The following SMARCC1 variants were observed in gnomAD, a reference collection of about 807,000 sequenced individuals.
The protein encoded by SMARCC1 is SWI/SNF complex subunit SMARCC1.
SMARCC1 carries 43 observed loss-of-function variants against 147.4 expected under a neutral mutation model. The observed-to-expected ratio is 0.29, with a 90% CI of 0.23 to 0.38. The LOEUF is 0.38. Among genes scored for constraint, SMARCC1 ranks in the 10% least tolerant of loss-of-function variants. The probability of loss-of-function intolerance (pLI) is 1.00; values close to 1 mark genes in which losing one functional copy is unlikely to be tolerated. For missense variants in SMARCC1, 1,119 were observed against 1,381.1 expected, an observed-to-expected ratio of 0.81 and a Z score of 3.01; for synonymous variants, 495 against 484.4, an observed-to-expected ratio of 1.02 and a Z score of -0.29.
At chr3:47,720,181 C>T (rs542669894) in intron 7 of SMARCC1, among the ~76,000 whole-genome samples, 8 of 151,678 alleles carry the variant, frequency 5.3e-5, no homozygotes, top group Non-Finnish European at 1.0e-4. Flanking sequence ...TGGAGGGAAA[C>T]GGCGCAATCT....
intron 5 of SMARCC1, among the ~76,000 whole-genome samples, chr3:47,735,541 G>GGGGAGATCACTCGAGGTC (rs2034431364): frequency 6.6e-6 from 1 of 152,038 alleles, no homozygotes; most frequent in Non-Finnish European, 1.5e-5. Flanking sequence ...AGGCTGAGGT[G>GGGGAGATCACTCGAGGTC]GGGAGATCAC....
At chr3:47,686,878 T>G (rs2033730641) in intron 13 of SMARCC1, among the ~76,000 whole-genome samples, 1 of 152,098 alleles carries the variant, frequency 6.6e-6, no homozygotes, top group Non-Finnish European at 1.5e-5. Context: ...CCAGCTACTT[T>G]AGAGGCTGAA....
intron 23 of SMARCC1, among the ~76,000 whole-genome samples, chr3:47,635,798 C>T (rs1331259449): frequency 1.3e-5 from 2 of 152,194 alleles, no homozygotes; most frequent in Non-Finnish European, 1.5e-5. Flanking sequence ...GACTTCAATA[C>T]TGTTGAATAA....
rs1576397949 is a variant in SMARCC1 at position 47,646,952 on chromosome 3, C to A, written c.2321-8172G>T. 2.0e-5 allele frequency among the ~76,000 whole-genome samples: 3 copies of A among 152,080 alleles called. No homozygotes were observed. In the East Asian group the frequency reaches 5.8e-4, roughly 29 times the overall value. On this transcript the variant is annotated intron_variant, in intron 21 of 27. Coordinates refer to ENST00000254480, the MANE Select transcript of SMARCC1 (RefSeq NM_003074.4). Reference sequence around the variant, plus strand: ...ATGTCACATTCTTTGTGAAGACTTCCCTAATGGACCCAAGCAAAACTAACT... The same window carrying A: ...ATGTCACATTCTTTGTGAAGACTTCACTAATGGACCCAAGCAAAACTAACT...
At chr3:47,761,443 T>C (rs944449976) in intron 2 of SMARCC1, among the ~76,000 whole-genome samples, 1 of 152,092 alleles carries the variant, frequency 6.6e-6, no homozygotes, top group Admixed American at 6.6e-5. Flanking sequence ...GATTATATGG[T>C]AAATAATGGT....
intron 7 of SMARCC1, among the ~76,000 whole-genome samples, chr3:47,719,516 C>G (rs2034204262): frequency 6.6e-6 from 1 of 151,846 alleles, no homozygotes; most frequent in South Asian, 2.1e-4. Flanking sequence ...GCCTGACCAG[C>G]ATGGTGAAAC....
Position 47,595,485 on chromosome 3 carries a change from C to G in SMARCC1, c.3044-4648G>C, listed in dbSNP as rs543401957. Among the ~76,000 whole-genome samples the G allele has an allele frequency of 2.8e-4, 43 of 151,884 alleles. 1 individual carries two copies. Among genetic ancestry groups the G allele is most frequent in the African/African-American group, 1.0e-3 (43 of 41,430 alleles). ...GAGGTTGCAGTGAGCCGAGAATGAG[C>G]CATTGCACTCCAGCCTGGGCAACAA... On this transcript the variant is annotated intron_variant, in intron 26 of 27. Transcript: ENST00000254480.
At chr3:47,736,413 C>T (rs1239673878) in intron 4 of SMARCC1, among the ~76,000 whole-genome samples, 4 of 152,064 alleles carry the variant, frequency 2.6e-5, no homozygotes, top group African/African-American at 4.8e-5. Flanking sequence ...AAGTGGCTCA[C>T]GCCTGTAATC....
rs1032383106 is a variant in SMARCC1, at chr3:47,680,266, G to A, written c.1457+171C>T. 2.8e-5 allele frequency: 16 copies of A among 570,408 alleles called. No homozygotes were observed. In the East Asian group the frequency reaches 4.4e-4, roughly 16 times the overall value. 35.3% of individuals were successfully genotyped at this position (570,408 alleles called of 1,614,324 possible). A position where few individuals can be genotyped will look rare whatever the true frequency, so the allele number is the denominator to read the frequency against. The stretch of plus-strand genomic sequence containing the variant: ...CCCCCCAAAACAAAAAACGAAACTA[G>A]ATACAATTTCCTGTGTACCATGGAA... On this transcript the variant is annotated intron_variant, in intron 15 of 27. Transcript: ENST00000254480.
chr3:47,687,023 G>T (rs2033733879), intron 13 of SMARCC1, among the ~76,000 whole-genome samples: 1 of 152,006 alleles, frequency 6.6e-6, no homozygotes, highest in Non-Finnish European at 1.5e-5. Context: ...TTTTGAATCA[G>T]TTTTCTTTTA....
intron 8 of SMARCC1, among the ~76,000 whole-genome samples, chr3:47,712,893 CTACAGGGAAAT>C (rs2034105966): frequency 1.3e-5 from 2 of 152,254 alleles, no homozygotes; most frequent in East Asian, 3.9e-4. Context: ...ATACTATAAT[CTACAGGGAAAT>C]AGATGTCTAA....
chr3:47,692,700 T>C (rs2106776910), intron 12 of SMARCC1, among the ~76,000 whole-genome samples: 1 of 152,140 alleles, frequency 6.6e-6, no homozygotes, highest in South Asian at 2.1e-4. Flanking sequence ...GCTAATATCC[T>C]GTAGTGGCTA....
rs1166964500 is a variant in SMARCC1, at chr3:47,728,078, C to CTTTTTTT, written c.646+940_646+946dup. On this transcript the variant is annotated intron_variant, in intron 6 of 27. Transcript: ENST00000254480. ...CCGGATTTAACCACCTTATTAGTCCCTTTTTTTTTTTTTTTTTTTTTTTTT... is the reference window on the plus strand; with the variant it reads ...CCGGATTTAACCACCTTATTAGTCCCTTTTTTTTTTTTTTTTTTTTTTTTTTTTTTTT... 9.3e-4 allele frequency among the ~76,000 whole-genome samples: 53 copies of CTTTTTTT among 56,860 alleles called. 10 individuals carry two copies. The highest frequency in any genetic ancestry group is 1.6e-3 in the South Asian group (2 of 1,228). The allele number at this position is 56,860 out of a possible 152,430, so 37.3% of individuals were successfully genotyped here.
At chr3:47,676,323 T>C (rs914358705) in intron 17 of SMARCC1, among the ~76,000 whole-genome samples, 7 of 152,224 alleles carry the variant, frequency 4.6e-5, no homozygotes, top group African/African-American at 1.7e-4. Flanking sequence ...TTGCATCATC[T>C]GCTTACTTAT....
At chr3:47,716,629 T>C (rs2034159866) in intron 7 of SMARCC1, among the ~76,000 whole-genome samples, 1 of 152,170 alleles carries the variant, frequency 6.6e-6, no homozygotes, top group South Asian at 2.1e-4. Flanking sequence ...AAATGTGTTA[T>C]TTTGGAACTT....
At chr3:47,693,215 C>A in intron 12 of SMARCC1, 26 bp downstream of exon 12, 1 of 1,302,864 alleles carries the variant, frequency 7.7e-7, no homozygotes, top group South Asian at 1.2e-5. Context: ...AAAGCACAGA[C>A]CAGTGTATAG....
Position 47,678,235 on chromosome 3 carries a change from G to A in SMARCC1, c.1534C>T (p.Arg512Trp). The A allele has an allele frequency of 1.2e-6, 2 of 1,608,248 alleles. No individual in the cohort carries two copies. Among genetic ancestry groups the A allele is most frequent in the Non-Finnish European group, 1.7e-6 (2 of 1,177,318 alleles). Residue 512 changes from arginine (R) to tryptophan (W), a missense_variant, in exon 16 of 28, where the codon CGG (arginine) becomes TGG (tryptophan). Arg to Trp is a moderately radical substitution (Grantham distance 101). Coordinates refer to ENST00000254480, the MANE Select transcript of SMARCC1 (RefSeq NM_003074.4). ...PQEYLTSTACRRNLTGDVCAV... is the reference protein window; with the variant it reads ...PQEYLTSTACWRNLTGDVCAV... The stretch of plus-strand genomic sequence containing the variant: ...CACACATCTCCAGTCAAGTTCCTCC[G>A]ACAAGCAGTGCTAGTTAAATACTCT...
intron 24 of SMARCC1, among the ~76,000 whole-genome samples, chr3:47,633,771 T>TAA (rs1358395461): frequency 7.2e-5 from 1 of 13,924 alleles, no homozygotes; most frequent in Non-Finnish European, 4.2e-4. Flanking sequence ...AAAATATATA[T>TAA]ATATATATAC....
chr3:47,634,361 T>C (rs187894926), intron 24 of SMARCC1, among the ~76,000 whole-genome samples: 2 of 152,296 alleles, frequency 1.3e-5, no homozygotes. Flanking sequence ...GTAGTTTGAA[T>C]TGGTTCATCA....
Sources: gnomAD v4.1 joint callset for allele counts (sites outside exome capture counted in the v4.1 genomes callset) on GRCh38, gnomAD v4.1.1 for gene constraint, MANE v1.5 for transcripts, NCBI Gene and HGNC (gene_info 2026-07-23, HGNC 2026-07-21) for gene names.